ARHGEF10L: variants seen among roughly 807,000 people sequenced by gnomAD.
ARHGEF10L encodes rho guanine nucleotide exchange factor 10-like protein.
A neutral mutation model predicts 141.2 loss-of-function variants in ARHGEF10L; 69 were observed. The observed-to-expected ratio is 0.49, with a 90% CI of 0.40 to 0.60. ARHGEF10L has a LOEUF of 0.60. Ranked by LOEUF, ARHGEF10L falls within the 20% of genes least tolerant of loss-of-function variation. The pLI, the probability that ARHGEF10L is intolerant of heterozygous loss-of-function variation, is 0.00. For synonymous variants in ARHGEF10L, 711 were observed against 718.5 expected, an observed-to-expected ratio of 0.99 and a Z score of 0.17; for missense variants, 1,482 against 1,734.3, an observed-to-expected ratio of 0.85 and a Z score of 2.58.
At chr1:17,581,328 A>AG (rs1216023640) in intron 2 of ARHGEF10L, among the ~76,000 whole-genome samples, 58 of 151,100 alleles carry the variant, frequency 3.8e-4, no homozygotes, top group African/African-American at 1.3e-3. Flanking sequence ...AAAAAAAAAA[A>AG]AAAAGAAAAG....
At chr1:17,641,990 GA>G (rs922766506) in intron 21 of ARHGEF10L, among the ~76,000 whole-genome samples, 13 of 127,628 alleles carry the variant, frequency 1.0e-4, no homozygotes, top group South Asian at 5.0e-4. Context: ...TAAAAAAAAA[GA>G]AAAAAAAAAG....
At chr1:17,663,630 A>G (rs1330356864) in intron 25 of ARHGEF10L, among the ~76,000 whole-genome samples, 1 of 151,892 alleles carries the variant, frequency 6.6e-6, no homozygotes, top group Non-Finnish European at 1.5e-5. Flanking sequence ...AGAGAAAGAG[A>G]TCTTGGTAAA....
At chr1:17,641,776 C>T (rs554486261) in intron 21 of ARHGEF10L, among the ~76,000 whole-genome samples, 3 of 151,996 alleles carry the variant, frequency 2.0e-5, no homozygotes, top group Admixed American at 6.5e-5. Flanking sequence ...GTCAGGAGTT[C>T]GAGACCATCC....
intron 21 of ARHGEF10L, among the ~76,000 whole-genome samples, chr1:17,642,579 G>C (rs1419131049): frequency 2.6e-5 from 4 of 152,168 alleles, no homozygotes; most frequent in Admixed American, 1.3e-4. Flanking sequence ...GAGCAGGAAT[G>C]GGGAGGGGTT....
chr1:17,526,674 T>G, the ARHGEF10L span, among the ~76,000 whole-genome samples: 65 of 152,206 alleles, frequency 4.3e-4, no homozygotes, highest in Non-Finnish European at 9.0e-4. Flanking sequence ...GAGGCCGAGG[T>G]GGGCAGATTG....
intron 26 of ARHGEF10L, among the ~76,000 whole-genome samples, chr1:17,671,559 A>T (rs2063324753): frequency 1.3e-5 from 2 of 152,178 alleles, no homozygotes; most frequent in Admixed American, 6.5e-5. Context: ...CAAGAAGCAC[A>T]GGCCTGGGTC....
chr1:17,583,267 A>G (rs1325562871), intron 2 of ARHGEF10L, among the ~76,000 whole-genome samples: 1 of 150,512 alleles, frequency 6.6e-6, no homozygotes, highest in Non-Finnish European at 1.5e-5. Context: ...GGCTGGGGGC[A>G]GGGTTGCCTG....
chr1:17,532,720 G>A, the ARHGEF10L span, among the ~76,000 whole-genome samples: 5 of 151,320 alleles, frequency 3.3e-5, no homozygotes, highest in South Asian at 2.1e-4. Context: ...TCAGCCTCCC[G>A]AGTAGCTGGG....
upstream of ARHGEF10L, among the ~76,000 whole-genome samples, chr1:17,534,976 T>C (rs2076554398): frequency 6.6e-6 from 1 of 152,110 alleles, no homozygotes; most frequent in Admixed American, 6.6e-5. Flanking sequence ...AATTTTTCCA[T>C]GGATGGGGTG....
At chr1:17,516,012 A>G in the ARHGEF10L span, among the ~76,000 whole-genome samples, 1 of 152,262 alleles carries the variant, frequency 6.6e-6, no homozygotes, top group Non-Finnish European at 1.5e-5. Flanking sequence ...GGCCCTGTAC[A>G]GATGGCAGAG....
intron 1 of ARHGEF10L, among the ~76,000 whole-genome samples, chr1:17,560,754 G>A (rs1450204905): frequency 6.6e-6 from 1 of 152,158 alleles, no homozygotes; most frequent in African/African-American, 2.4e-5. Flanking sequence ...TAGTAGAGGT[G>A]GGGTTTCTCC....
chr1:17,522,628 T>C, the ARHGEF10L span, among the ~76,000 whole-genome samples: 1 of 151,998 alleles, frequency 6.6e-6, no homozygotes, highest in Non-Finnish European at 1.5e-5. Context: ...TTTTGGCCCC[T>C]AAATTAGAGT....
rs1029603667 is a variant in ARHGEF10L, at chr1:17,623,348, G to A, written c.1200+173G>A. ...GATCTAGGGGTGAGTGTGACACCTT[G>A]AAGTGGCCAGGATGTCCTTGGATAT... On this transcript the variant is annotated intron_variant, in intron 12 of 28. Transcript: ENST00000361221. The surrounding 1 kb of genome is among the most constrained non-coding windows in gnomAD (Gnocchi z 4.7). Among the ~76,000 whole-genome samples, 4 of 152,142 alleles carry A rather than the reference G, an allele frequency of 2.6e-5. No homozygotes were observed. Among genetic ancestry groups the A allele is most frequent in the Admixed American group, 2.0e-4 (3 of 15,288 alleles).
At chr1:17,552,612 C>T (rs556228670) in intron 1 of ARHGEF10L, among the ~76,000 whole-genome samples, 3 of 101,462 alleles carry the variant, frequency 3.0e-5, no homozygotes, top group Non-Finnish European at 5.4e-5. Flanking sequence ...TTAGTAGATA[C>T]AGGGTTTCAC....
intron 26 of ARHGEF10L, among the ~76,000 whole-genome samples, chr1:17,669,262 C>G (rs1241360726): frequency 6.6e-6 from 1 of 152,154 alleles, no homozygotes; most frequent in Non-Finnish European, 1.5e-5. Context: ...GGCCCAGGAC[C>G]AAATGTGAAA....
At chr1:17,643,227 G>C (rs2061419462) in intron 21 of ARHGEF10L, among the ~76,000 whole-genome samples, 1 of 152,196 alleles carries the variant, frequency 6.6e-6, no homozygotes, top group African/African-American at 2.4e-5. Flanking sequence ...CACAAAGGCT[G>C]TTATTCCTTT....
At chr1:17,652,471 G>T (rs902289462) in intron 22 of ARHGEF10L, among the ~76,000 whole-genome samples, 1 of 152,166 alleles carries the variant, frequency 6.6e-6, no homozygotes, top group African/African-American at 2.4e-5. Context: ...TCACCTTGAG[G>T]ATTAAAGGAT....
Position 17,656,703 on chromosome 1 carries a change from C to T in ARHGEF10L, c.2855C>T (p.Thr952Ile). ...QDGTLAAYPR[T>I]SGGVLWDLES... Reference sequence around the variant, plus strand: ...GGGACCCTTGCTGCTTACCCTCGGACCAGCGGTGAGGACTGGGGGGAATGG... The same window carrying T: ...GGGACCCTTGCTGCTTACCCTCGGATCAGCGGTGAGGACTGGGGGGAATGG... The change falls in exon 25 of 29, where the codon ACC (threonine) becomes ATC (isoleucine). Residue 952 changes from threonine (T) to isoleucine (I), a missense_variant. Coordinates refer to ENST00000361221, the MANE Select transcript of ARHGEF10L (RefSeq NM_018125.4). The surrounding 1 kb of genome is among the most constrained non-coding windows in gnomAD (Gnocchi z 4.9). The T allele has an allele frequency of 6.2e-7, 1 of 1,612,332 alleles. No homozygotes were observed. Among genetic ancestry groups the T allele is most frequent in the South Asian group, 1.1e-5 (1 of 90,944 alleles).
At chr1:17,622,050 G>T in intron 11 of ARHGEF10L, 109 bp downstream of exon 11, 1 of 1,125,630 alleles carries the variant, frequency 8.9e-7, no homozygotes, top group East Asian at 2.5e-5. Flanking sequence ...AAGGGGACAG[G>T]ACCATAAGCC....
Sources: allele counts gnomAD v4.1 joint callset (sites outside exome capture counted in the v4.1 genomes callset), GRCh38; gene constraint gnomAD v4.1.1; non-coding constraint Gnocchi (gnomAD v3.1); transcripts MANE v1.5; gene names NCBI Gene and HGNC (gene_info 2026-07-23, HGNC 2026-07-21).